SEMA5A: variants seen among roughly 807,000 people sequenced by gnomAD.
The protein encoded by SEMA5A is semaphorin 5A.
SEMA5A carries 55 observed loss-of-function variants against 135.5 expected under a neutral mutation model. The ratio of observed to expected loss-of-function variants is 0.41; its 90% confidence interval spans 0.33 to 0.51. The LOEUF (loss-of-function observed/expected upper bound fraction) is 0.51. SEMA5A is among the 20% of genes least tolerant of loss of function. The pLI is 0.37. For missense variants in SEMA5A, 1,290 were observed against 1,419.9 expected, an observed-to-expected ratio of 0.91 and a Z score of 1.47; for synonymous variants, 580 against 546.5, an observed-to-expected ratio of 1.06 and a Z score of -0.85.
At chr5:9,241,084 T>C (rs2150461590) in intron 5 of SEMA5A, among the ~76,000 whole-genome samples, 1 of 152,232 alleles carries the variant, frequency 6.6e-6, no homozygotes, top group Middle Eastern at 3.4e-3. Flanking sequence ...GCAGCAGACA[T>C]ATAGCAGTAA....
intron 2 of SEMA5A, among the ~76,000 whole-genome samples, chr5:9,437,348 C>G (rs1384139782): frequency 6.6e-6 from 1 of 151,294 alleles, no homozygotes; most frequent in African/African-American, 2.4e-5. Context: ...TTCTTTTCTT[C>G]TTTTCTTCTT....
chr5:9,259,576 G>T (rs917812727), intron 5 of SEMA5A, among the ~76,000 whole-genome samples: 2 of 151,874 alleles, frequency 1.3e-5, no homozygotes, highest in East Asian at 3.9e-4. Context: ...GGTCTGCTTG[G>T]TGCAGAGCTG....
intron 11 of SEMA5A, among the ~76,000 whole-genome samples, chr5:9,172,698 A>AT (rs1452833224): frequency 1.3e-5 from 2 of 152,316 alleles, no homozygotes; most frequent in South Asian, 2.1e-4. Context: ...ACTTTAAAGG[A>AT]TTTTTTACTA....
At chr5:9,508,047 G>T (rs1735998727) in intron 1 of SEMA5A, among the ~76,000 whole-genome samples, 2 of 151,810 alleles carry the variant, frequency 1.3e-5, no homozygotes, top group South Asian at 4.2e-4. Flanking sequence ...ACTTCAGAAA[G>T]CTGGCTTGGG....
chr5:9,306,373 G>T (rs1490659043), intron 5 of SEMA5A, among the ~76,000 whole-genome samples: 1 of 152,030 alleles, frequency 6.6e-6, no homozygotes, highest in East Asian at 1.9e-4. Context: ...CCACAGACTG[G>T]TCTTCCAGTT....
At chr5:9,478,147 T>C (rs768286300) in intron 1 of SEMA5A, among the ~76,000 whole-genome samples, 3 of 152,208 alleles carry the variant, frequency 2.0e-5, no homozygotes, top group Non-Finnish European at 2.9e-5. Flanking sequence ...TGTTCAGCCT[T>C]CAGGTGCACA....
chr5:9,505,545 C>G (rs1429739077), intron 1 of SEMA5A, among the ~76,000 whole-genome samples: 1 of 152,176 alleles, frequency 6.6e-6, no homozygotes, highest in Non-Finnish European at 1.5e-5. Context: ...GTTGTCAAAC[C>G]AGACTGGTTC....
At chr5:9,220,112 C>G (rs1746850107) in intron 8 of SEMA5A, among the ~76,000 whole-genome samples, 1 of 152,104 alleles carries the variant, frequency 6.6e-6, no homozygotes. Context: ...GAATGGAAAA[C>G]CAAATATCGT....
intron 1 of SEMA5A, among the ~76,000 whole-genome samples, chr5:9,440,621 C>T (rs921542465): frequency 2.0e-5 from 3 of 151,990 alleles, no homozygotes; most frequent in African/African-American, 7.2e-5. Context: ...GAAGTTTTGC[C>T]CTGTGGCCAC....
chr5:9,284,002 A>G (rs1277606462), intron 5 of SEMA5A, among the ~76,000 whole-genome samples: 1 of 152,202 alleles, frequency 6.6e-6, no homozygotes, highest in Non-Finnish European at 1.5e-5. Flanking sequence ...AGATAGATAG[A>G]TAACAGATAA....
At chr5:9,242,689 A>G (rs1336678529) in intron 5 of SEMA5A, among the ~76,000 whole-genome samples, 1 of 152,200 alleles carries the variant, frequency 6.6e-6, no homozygotes, top group Non-Finnish European at 1.5e-5. Flanking sequence ...CGATGGGTGC[A>G]CCAGGATCTC....
At chr5:9,258,178 C>T (rs967882961) in intron 5 of SEMA5A, among the ~76,000 whole-genome samples, 6 of 152,166 alleles carry the variant, frequency 3.9e-5, no homozygotes, top group Non-Finnish European at 7.4e-5. Context: ...TCAAGAGAAG[C>T]TAGAAGCCTT....
At chr5:9,206,054 A>G (rs1451209118) in intron 8 of SEMA5A, among the ~76,000 whole-genome samples, 1 of 152,170 alleles carries the variant, frequency 6.6e-6, no homozygotes, top group Non-Finnish European at 1.5e-5. Flanking sequence ...TTTTCCTTCC[A>G]TTATTTAAGT....
chr5:9,046,978 G>C (rs1736295191), intron 21 of SEMA5A, among the ~76,000 whole-genome samples: 1 of 152,136 alleles, frequency 6.6e-6, no homozygotes, highest in South Asian at 2.1e-4. Context: ...CAGCATCTTT[G>C]GCCTTTCTTG....
rs1272180392 is a variant in SEMA5A at position 9,393,063 on chromosome 5, C to T, written c.-77-13040G>A. Among the ~76,000 whole-genome samples, 9 of 152,190 alleles carry T rather than the reference C, an allele frequency of 5.9e-5. No homozygotes were observed. The East Asian group carries it at 1.2e-3, about 20-fold the overall frequency. On this transcript the variant is annotated intron_variant, in intron 2 of 22. Coordinates refer to ENST00000382496, the MANE Select transcript of SEMA5A (RefSeq NM_003966.3). ...TAAAATCTCACATGCTGTGAACATA[C>T]GGTATCTCATCCTTCAGTTCATTAG...
At chr5:9,417,781 T>C (rs1040165587) in intron 2 of SEMA5A, among the ~76,000 whole-genome samples, 58 of 152,204 alleles carry the variant, frequency 3.8e-4, no homozygotes, top group Non-Finnish European at 7.3e-4. Flanking sequence ...TGGACTACTA[T>C]AATAAATTAC....
chr5:9,262,886 T>A, intron 5 of SEMA5A, among the ~76,000 whole-genome samples: 1 of 104,712 alleles, frequency 9.6e-6, no homozygotes. Context: ...CCCTAAAACT[T>A]AGATTATAAT....
intron 20 of SEMA5A, among the ~76,000 whole-genome samples, chr5:9,051,097 T>G (rs554215602): frequency 5.9e-5 from 9 of 152,256 alleles, no homozygotes; most frequent in Non-Finnish European, 1.3e-4. Context: ...AATATGTCTA[T>G]CGTTAAAAAG....
intron 1 of SEMA5A, among the ~76,000 whole-genome samples, chr5:9,497,676 T>C (rs1343825247): frequency 2.6e-5 from 4 of 152,118 alleles, no homozygotes; most frequent in Non-Finnish European, 4.4e-5. Context: ...TTGTCCTCAT[T>C]TTACAGATGA....
Sources: allele counts gnomAD v4.1 joint callset (sites outside exome capture counted in the v4.1 genomes callset), GRCh38; gene constraint gnomAD v4.1.1; transcripts MANE v1.5; gene names NCBI Gene and HGNC (gene_info 2026-07-23, HGNC 2026-07-21).